The following KANK1 variants were observed in gnomAD, a reference collection of about 807,000 sequenced individuals.
The protein encoded by KANK1 is KN motif and ankyrin repeat domains 1.
In KANK1, 109 loss-of-function variants were observed where a neutral mutation model predicts 106.2. The ratio of observed to expected loss-of-function variants is 1.03; its 90% CI spans 0.88 to 1.20. The LOEUF is 1.20. Ranked by LOEUF, KANK1 falls within the 50% of genes most tolerant of loss-of-function variation. KANK1 has a pLI of 0.00. For synonymous variants in KANK1, 873 were observed against 652.2 expected (o/e 1.34, Z -5.16); for missense variants, 2,399 against 1,710.7 (o/e 1.40, Z -7.10).
At position 558,057 on chromosome 9, in the gene KANK1, G is replaced by A. The variant is rs1179432821; in HGVS notation, c.-84+53303G>A. The stretch of plus-strand genomic sequence containing the variant: ...AATGGTAGGAATGTCAAGGAACCCA[G>A]GAGTGAAGATCGGATTAGTCAGATG... On this transcript the variant is annotated intron_variant, in intron 1 of 11. Coordinates refer to ENST00000382297, the MANE Select transcript of KANK1 (RefSeq NM_015158.5). 4.6e-5 allele frequency among the ~76,000 whole-genome samples: 7 copies of A among 152,298 alleles called. No homozygotes were observed. In the East Asian group the frequency reaches 1.2e-3, roughly 25 times the overall value.
chr9:670,339 C>G (rs1845589444), intron 1 of KANK1, among the ~76,000 whole-genome samples: 2 of 152,180 alleles, frequency 1.3e-5, no homozygotes, highest in African/African-American at 2.4e-5. Context: ...TCTGTCTAGT[C>G]TGTTTTGGTT....
At position 475,225 on chromosome 9, in the gene KANK1, G is replaced by A. The variant is rs770980631; in HGVS notation, c.-362+1952G>A. 5.3e-5 allele frequency among the ~76,000 whole-genome samples: 8 copies of A among 152,090 alleles called. No homozygotes were observed. The South Asian group carries it at 8.3e-4, about 16-fold the overall frequency. On this transcript the variant is annotated intron_variant, in intron 3 of 15. Coordinates refer to the KANK1 transcript ENST00000382303. The stretch of plus-strand genomic sequence containing the variant: ...ACCTTCCTGTAGGAATGCTACGCTG[G>A]TAAGGGAAGAAAGCCTCAAGAAAGC...
chr9:622,356 C>G (rs961629341), intron 1 of KANK1, among the ~76,000 whole-genome samples: 3 of 152,108 alleles, frequency 2.0e-5, no homozygotes, highest in Non-Finnish European at 4.4e-5. Flanking sequence ...AAGTCATGGT[C>G]ACTGCCCTGG....
intron 1 of KANK1, among the ~76,000 whole-genome samples, chr9:538,025 A>C (rs2060393425): frequency 6.6e-6 from 1 of 152,060 alleles, no homozygotes; most frequent in Non-Finnish European, 1.5e-5. Context: ...CTCTCTTGTT[A>C]AGCTATTCAT....
intron 7 of KANK1, among the ~76,000 whole-genome samples, chr9:736,941 T>C (rs548232981): frequency 5.9e-5 from 9 of 152,352 alleles, no homozygotes; most frequent in African/African-American, 2.2e-4. Flanking sequence ...TACGTGGCCT[T>C]TGGGAAGGAT....
intron 2 of KANK1, chr9:677,776 G>C (rs1588840034): frequency 6.6e-6 from 1 of 152,174 alleles, no homozygotes; most frequent in African/African-American, 2.4e-5. Context: ...TCCTACGTCT[G>C]CTGGCTCTGA....
chr9:665,733 G>C lies in KANK1; in HGVS notation c.-83-11157G>C, dbSNP rs548698218. Among the ~76,000 whole-genome samples the C allele has an allele frequency of 1.8e-4, 28 of 152,296 alleles. No individual in the cohort carries two copies. In the South Asian group the frequency reaches 5.8e-3, roughly 32 times the overall value. ...TTTTGATAGGGATTACATTGAATCA[G>C]TAAACTGCTTTGGGTAGGATTGTCA... On this transcript the variant is annotated intron_variant, in intron 1 of 11. Transcript: ENST00000382297.
At position 575,847 on chromosome 9, in the gene KANK1, A is replaced by C. The variant is rs1820407785; in HGVS notation, c.-84+71093A>C. Among the ~76,000 whole-genome samples, 3 of 152,310 alleles carry C rather than the reference A, an allele frequency of 2.0e-5. No individual in the cohort carries two copies. The South Asian group carries it at 6.2e-4, about 32-fold the overall frequency. On this transcript the variant is annotated intron_variant, in intron 1 of 11. Transcript: ENST00000382297. ...AGACCAGCCTGGTCAACATGGTGAA[A>C]TCCTGTCTCTATTAAAAATACAAAA...
chr9:673,200 C>CTTTTT (rs542647158), intron 1 of KANK1, among the ~76,000 whole-genome samples: 12 of 97,854 alleles, frequency 1.2e-4, no homozygotes, highest in African/African-American at 1.8e-4. Context: ...ACAGTGTCTT[C>CTTTTT]TTTTTTTTTT....
chr9:713,070 C>G lies in KANK1; in HGVS notation c.2304C>G (p.Asp768Glu). ...ESGVGQININ[D>E]NYLVGLKMRT... ...GTGTGGGGCAGATAAATATTAACGACAACTATCTGGTTGGTCTCAAAATGA... is the reference window on the plus strand; with the variant it reads ...GTGTGGGGCAGATAAATATTAACGAGAACTATCTGGTTGGTCTCAAAATGA... Residue 768 changes from aspartate to glutamate, a missense_variant, in exon 3 of 12, where the codon GAC (aspartate) becomes GAG (glutamate). Asp to Glu is a conservative substitution (Grantham distance 45). Coordinates refer to ENST00000382297, the MANE Select transcript of KANK1 (RefSeq NM_015158.5). 6.2e-7 allele frequency: 1 copy of G among 1,613,990 alleles called. No homozygotes were observed. The highest frequency in any genetic ancestry group is 8.5e-7 in the Non-Finnish European group (1 of 1,179,916).
intron 2 of KANK1, among the ~76,000 whole-genome samples, chr9:688,147 C>A (rs1462588040): frequency 6.6e-6 from 1 of 152,202 alleles, no homozygotes; most frequent in Non-Finnish European, 1.5e-5. Flanking sequence ...CGTAAGTTCC[C>A]AGTTGGTCGC....
intron 1 of KANK1, among the ~76,000 whole-genome samples, chr9:517,347 C>T (rs2059327784): frequency 6.6e-6 from 1 of 151,786 alleles, no homozygotes; most frequent in Admixed American, 6.6e-5. Context: ...CATGATCTGC[C>T]TGCCTCGGCC....
intron 1 of KANK1, among the ~76,000 whole-genome samples, chr9:671,589 C>T (rs1221476630): frequency 2.7e-5 from 3 of 110,716 alleles, no homozygotes; most frequent in Admixed American, 1.1e-4. Flanking sequence ...GTGCTCCAGC[C>T]TGGGTGACAG....
At chr9:675,462 G>T (rs926956050) in intron 1 of KANK1, among the ~76,000 whole-genome samples, 1 of 151,994 alleles carries the variant, frequency 6.6e-6, no homozygotes, top group Non-Finnish European at 1.5e-5. Flanking sequence ...AGTATTTTTC[G>T]AAAGGTATTT....
intron 1 of KANK1, among the ~76,000 whole-genome samples, chr9:654,223 A>T (rs1377291907): frequency 6.6e-6 from 1 of 152,188 alleles, no homozygotes; most frequent in East Asian, 1.9e-4. Context: ...AGCATTTCTA[A>T]TAAGTCCTCA....
At chr9:674,784 A>G (rs555941095) in intron 1 of KANK1, among the ~76,000 whole-genome samples, 52 of 152,254 alleles carry the variant, frequency 3.4e-4, no homozygotes, top group Middle Eastern at 3.4e-3. Flanking sequence ...GCTCACTGCA[A>G]TCTCCGTCTC....
intron 1 of KANK1, among the ~76,000 whole-genome samples, chr9:650,292 T>A (rs1174375837): frequency 6.6e-6 from 1 of 152,214 alleles, no homozygotes; most frequent in East Asian, 1.9e-4. Context: ...TATTATTTAA[T>A]TCTTGCAAAG....
chr9:470,296 A>C (rs1429400678), exon 1 of KANK1: 1 of 147,190 alleles, frequency 6.8e-6, no homozygotes, highest in Non-Finnish European at 1.5e-5. Flanking sequence ...CATGCGCCCG[A>C]GGGTGTTTCG....
At chr9:710,647 A>AAAC in intron 2 of KANK1, among the ~76,000 whole-genome samples, 157 bp from the exon 3 acceptor site, 1 of 148,298 alleles carries the variant, frequency 6.7e-6, no homozygotes, top group South Asian at 2.1e-4. Flanking sequence ...AAACAAAAAA[A>AAAC]ACTTGCTTAC....
Sources: gnomAD v4.1 joint callset for allele counts (sites outside exome capture counted in the v4.1 genomes callset) on GRCh38, gnomAD v4.1.1 for gene constraint, MANE v1.5 for transcripts, NCBI Gene and HGNC (gene_info 2026-07-23, HGNC 2026-07-21) for gene names.